ACTR3B: variants seen among roughly 807,000 people sequenced by gnomAD.
ACTR3B encodes the protein actin related protein 3B, also known as actin-related protein 3B.
In ACTR3B, 8 loss-of-function variants were observed where a neutral mutation model predicts 59.0. That is an observed-to-expected ratio of 0.14 (90% CI 0.08 to 0.24). ACTR3B has a LOEUF of 0.24. ACTR3B is among the 10% of genes least tolerant of loss of function. The pLI is 1.00. For missense variants in ACTR3B, 245 were observed against 552.3 expected (o/e 0.44, Z 5.58); for synonymous variants, 148 against 197.9 (o/e 0.75, Z 2.12).
chr7:152,794,365 G>A (rs377611973), intron 2 of ACTR3B, among the ~76,000 whole-genome samples: 2 of 151,972 alleles, frequency 1.3e-5, no homozygotes, highest in South Asian at 2.1e-4. Context: ...CTACAGGTGC[G>A]CACCACCATG....
At chr7:152,804,376 T>G (rs1042586297) in intron 4 of ACTR3B, among the ~76,000 whole-genome samples, 2 of 152,164 alleles carry the variant, frequency 1.3e-5, no homozygotes, top group African/African-American at 4.8e-5. Flanking sequence ...GCGTGGTGAT[T>G]CTGAGGACCT....
At chr7:152,767,783 A>G (rs2098114562) in intron 1 of ACTR3B, among the ~76,000 whole-genome samples, 1 of 151,956 alleles carries the variant, frequency 6.6e-6, no homozygotes, top group African/African-American at 2.4e-5. Flanking sequence ...TCTTGAATAT[A>G]TGAAGATTGT....
chr7:152,826,998 G>A lies in ACTR3B; in HGVS notation c.951+1876G>A, dbSNP rs1402447661. On this transcript the variant is annotated intron_variant, in intron 9 of 11. Coordinates refer to ENST00000256001, the MANE Select transcript of ACTR3B (RefSeq NM_020445.6). The stretch of plus-strand genomic sequence containing the variant: ...ACTGAAAATTATGTAAAATGCGGAG[G>A]GAAGAGGATTCTTCTTTTTGTTGCC... 2.0e-5 allele frequency among the ~76,000 whole-genome samples: 3 copies of A among 151,850 alleles called. No homozygotes were observed. In the East Asian group the frequency reaches 5.8e-4, roughly 29 times the overall value.
At chr7:152,833,621 CCT>C (rs1165096525) in intron 9 of ACTR3B, among the ~76,000 whole-genome samples, 9 of 152,214 alleles carry the variant, frequency 5.9e-5, no homozygotes, top group Admixed American at 5.9e-4. Flanking sequence ...AAGAAGAGCG[CCT>C]CTTAGTATTA....
At chr7:152,786,491 T>C in intron 2 of ACTR3B, 1 of 161,084 alleles carries the variant, frequency 6.2e-6, no homozygotes. Flanking sequence ...AGGTGGAGGT[T>C]GCAGTGAGCC....
chr7:152,823,300 G>A (rs1282141050), intron 7 of ACTR3B, 42 bp from the exon 8 acceptor site: 12 of 1,603,698 alleles, frequency 7.5e-6, no homozygotes, highest in South Asian at 2.2e-5. Context: ...GAGACACTGG[G>A]CAGTTGTTAA....
At chr7:152,788,695 G>T (rs1403631849) in intron 2 of ACTR3B, among the ~76,000 whole-genome samples, 1 of 152,084 alleles carries the variant, frequency 6.6e-6, no homozygotes, top group African/African-American at 2.4e-5. Flanking sequence ...ACAGGAGTGA[G>T]CCACTGCGCC....
At chr7:152,804,817 A>G (rs1373124338) in intron 4 of ACTR3B, among the ~76,000 whole-genome samples, 3 of 152,182 alleles carry the variant, frequency 2.0e-5, no homozygotes, top group Non-Finnish European at 4.4e-5. Context: ...GGAAGCACGC[A>G]TTGTTTGTTA....
intron 9 of ACTR3B, among the ~76,000 whole-genome samples, chr7:152,826,507 G>T (rs2116883553): frequency 6.6e-6 from 1 of 152,292 alleles, no homozygotes; most frequent in South Asian, 2.1e-4. Flanking sequence ...TTAAACACTT[G>T]TCTAATACAA....
chr7:152,777,720 C>T (rs1475028898), intron 1 of ACTR3B, among the ~76,000 whole-genome samples: 4 of 152,086 alleles, frequency 2.6e-5, no homozygotes, highest in East Asian at 1.9e-4. Context: ...TTTGGGAGGC[C>T]GAGGTGGATC....
intron 9 of ACTR3B, among the ~76,000 whole-genome samples, chr7:152,829,858 G>A (rs545672221): frequency 1.3e-5 from 2 of 152,310 alleles, no homozygotes; most frequent in Admixed American, 6.5e-5. Context: ...GCTTTGTAAT[G>A]TAATGGATGT....
intron 4 of ACTR3B, among the ~76,000 whole-genome samples, chr7:152,809,114 C>G (rs1055981634): frequency 6.6e-6 from 1 of 151,128 alleles, no homozygotes; most frequent in Non-Finnish European, 1.5e-5. Context: ...GAAATAAATA[C>G]CATGTTGTGG....
chr7:152,771,230 C>T (rs2098123199), intron 1 of ACTR3B, among the ~76,000 whole-genome samples: 1 of 152,154 alleles, frequency 6.6e-6, no homozygotes, highest in Admixed American at 6.5e-5. Flanking sequence ...GCTGGGATTA[C>T]TGGTGTGAGC....
chr7:152,783,056 T>TC (rs1236483474), intron 1 of ACTR3B, 131 bp from the exon 2 acceptor site: 1 of 476,634 alleles, frequency 2.1e-6, no homozygotes. Flanking sequence ...TTTTTTTTTT[T>TC]TTTTTTAATT....
In ACTR3B at chr7:152,800,590, G is replaced by T; in HGVS notation, c.160G>T (p.Gly54Ter). The T allele has an allele frequency of 6.2e-7, 1 of 1,614,084 alleles. No individual in the cohort carries two copies. Residue 54 changes from glycine (G) to a stop codon, truncating the protein, a stop_gained, in exon 3 of 12, where the codon GGA becomes TGA. Transcript: ENST00000256001. LOFTEE classifies it high-confidence loss of function. ...VDQAQRRVLR[G>*]VDDLDFFIGD... ...CCAAGCTCAAAGGAGAGTGTTGAGG[G>T]GAGTTGATGACCTTGACTTTTTCAT... is the stretch of plus-strand genomic sequence containing the variant.
intron 2 of ACTR3B, among the ~76,000 whole-genome samples, chr7:152,793,955 G>C (rs1371968011): frequency 6.6e-6 from 1 of 152,080 alleles, no homozygotes; most frequent in South Asian, 2.1e-4. Context: ...GCTGGGCTGG[G>C]GTGGAAGTGG....
At chr7:152,796,524 G>T (rs1432200186) in intron 2 of ACTR3B, among the ~76,000 whole-genome samples, 3 of 143,812 alleles carry the variant, frequency 2.1e-5, no homozygotes, top group African/African-American at 7.4e-5. Context: ...GATAGGTAGT[G>T]GTATATGCAT....
chr7:152,759,958 T>TCCGCGGCCCCGCTCCC, intron 1 of ACTR3B, 32 bp downstream of exon 1: 2 of 1,337,974 alleles, frequency 1.5e-6, no homozygotes, highest in Non-Finnish European at 1.9e-6. Context: ...CCCCCGCTCC[T>TCCGCGGCCCCGCTCCC]CCGCGGCCCC....
At chr7:152,788,380 G>A (rs778253010) in intron 2 of ACTR3B, among the ~76,000 whole-genome samples, 3 of 150,124 alleles carry the variant, frequency 2.0e-5, no homozygotes, top group East Asian at 2.0e-4. Flanking sequence ...CATGTCTCTC[G>A]TGTTTTTCAG....
Sources: allele counts gnomAD v4.1 joint callset (sites outside exome capture counted in the v4.1 genomes callset), GRCh38; gene constraint gnomAD v4.1.1; transcripts MANE v1.5; gene names NCBI Gene and HGNC (gene_info 2026-07-23, HGNC 2026-07-21).